Variants in CHD9 observed in about 807,000 individuals in gnomAD.
CHD9 encodes chromodomain helicase DNA binding protein 9.
Under a neutral mutation model 316.1 loss-of-function variants are expected in CHD9, and 77 were observed. That is an observed-to-expected ratio of 0.24 (90% CI 0.20 to 0.29). CHD9 has a LOEUF of 0.29. Among genes scored for constraint, CHD9 ranks in the 10% least tolerant of loss-of-function variants. The probability of loss-of-function intolerance (pLI) is 1.00; values close to 1 mark genes in which losing one functional copy is unlikely to be tolerated. For missense variants in CHD9, 2,763 were observed against 3,438.1 expected (o/e 0.80, Z 4.91); for synonymous variants, 1,129 against 1,158.3 (o/e 0.97, Z 0.51).
At chr16:53,274,478 A>G (rs190392867) in intron 24 of CHD9, among the ~76,000 whole-genome samples, 176 bp downstream of exon 24, 21 of 151,860 alleles carry the variant, frequency 1.4e-4, no homozygotes, top group Admixed American at 1.3e-3. Context: ...TTTTTTTGAG[A>G]CAGTTTCACT....
At chr16:53,174,990 T>C (rs1451985962) in intron 2 of CHD9, among the ~76,000 whole-genome samples, 1 of 152,224 alleles carries the variant, frequency 6.6e-6, no homozygotes, top group Non-Finnish European at 1.5e-5. Flanking sequence ...AATACACTTT[T>C]AAGCTTTTTT....
At chr16:53,280,818 A>T (rs543714308) in intron 24 of CHD9, among the ~76,000 whole-genome samples, 1 of 152,150 alleles carries the variant, frequency 6.6e-6, no homozygotes, top group Non-Finnish European at 1.5e-5. Context: ...ACCCATTCCA[A>T]TGGATCTTTC....
At chr16:53,168,379 A>G (rs1254984793) in intron 2 of CHD9, 1 of 152,122 alleles carries the variant, frequency 6.6e-6, no homozygotes, top group Admixed American at 6.6e-5. Flanking sequence ...ATATTTTTAA[A>G]AGTGGTTTTA....
chr16:53,065,975 C>G (rs1208506463), intron 1 of CHD9, among the ~76,000 whole-genome samples: 1 of 152,198 alleles, frequency 6.6e-6, no homozygotes, highest in East Asian at 1.9e-4. Context: ...TCAGTAATCA[C>G]AGATGTTGCG....
intron 2 of CHD9, among the ~76,000 whole-genome samples, chr16:53,205,323 G>C (rs1156556474): frequency 6.6e-6 from 1 of 152,070 alleles, no homozygotes; most frequent in African/African-American, 2.4e-5. Flanking sequence ...CAAAGACTTT[G>C]GTATATGTTT....
intron 2 of CHD9, among the ~76,000 whole-genome samples, chr16:53,183,886 T>C (rs2043753839): frequency 6.6e-6 from 1 of 152,224 alleles, no homozygotes; most frequent in Non-Finnish European, 1.5e-5. Context: ...TCATAAAATG[T>C]GGATAATATT....
chr16:53,110,980 T>C (rs565298548), intron 1 of CHD9, among the ~76,000 whole-genome samples: 3 of 152,038 alleles, frequency 2.0e-5, no homozygotes, highest in Admixed American at 6.6e-5. Flanking sequence ...TTTTGGGGAG[T>C]TGACCTTTTC....
At position 53,267,945 on chromosome 16, in the gene CHD9, G is replaced by A. The variant is rs745910896; in HGVS notation, c.4536G>A (p.Glu1512=). 37 of 1,613,370 alleles carry A rather than the reference G, an allele frequency of 2.3e-5. No individual in the cohort carries two copies. The highest frequency in any genetic ancestry group is 2.9e-5 in the Non-Finnish European group (34 of 1,179,630). The change falls in exon 22 of 39, where the codon GAG becomes GAA. Residue 1512 remains glutamate (E), a synonymous_variant. Transcript: ENST00000447540. ...LLVYGWGRWR[E]ILSHGRFKRQ... is the part of the protein sequence containing the mutation. ...TAACCAGGTGGGGCCGATGGAGAGA[G>A]ATTCTATCTCATGGCCGTTTCAAAA...
intron 1 of CHD9, among the ~76,000 whole-genome samples, chr16:53,059,278 A>C (rs1413787408): frequency 6.6e-6 from 1 of 152,160 alleles, no homozygotes; most frequent in Admixed American, 6.5e-5. Context: ...GGGTGTGGAG[A>C]AGAAAATTTC....
intron 20 of CHD9, among the ~76,000 whole-genome samples, chr16:53,265,976 GTTTT>G (rs536020046): frequency 7.2e-6 from 1 of 139,542 alleles, no homozygotes. Flanking sequence ...TTAGTTTTTT[GTTTT>G]TTTTTTTAAG....
At chr16:53,318,169 C>A in intron 36 of CHD9, 43 bp from the exon 37 acceptor site, 1 of 1,510,430 alleles carries the variant, frequency 6.6e-7, no homozygotes, top group Non-Finnish European at 9.0e-7. Flanking sequence ...TTGTTTTGCA[C>A]AGTTAAAGAC....
intron 1 of CHD9, among the ~76,000 whole-genome samples, chr16:53,074,889 C>T (rs1047587518): frequency 1.3e-5 from 2 of 152,184 alleles, no homozygotes; most frequent in African/African-American, 4.8e-5. Flanking sequence ...GGGACACTGC[C>T]TAGTGGAGCT....
At chr16:53,063,782 C>T (rs917077314) in intron 1 of CHD9, among the ~76,000 whole-genome samples, 3 of 151,228 alleles carry the variant, frequency 2.0e-5, no homozygotes, top group Non-Finnish European at 4.4e-5. Context: ...CCGCCCATCT[C>T]GGCCTCCCAA....
chr16:53,305,164 C>T (rs766792756), intron 31 of CHD9, among the ~76,000 whole-genome samples: 51 of 152,068 alleles, frequency 3.4e-4, no homozygotes, highest in Non-Finnish European at 6.6e-4. Context: ...CAGGTTCAAG[C>T]GATTCTCCTG....
At chr16:53,287,706 G>T (rs929043386) in intron 26 of CHD9, among the ~76,000 whole-genome samples, 1 of 152,146 alleles carries the variant, frequency 6.6e-6, no homozygotes, top group East Asian at 1.9e-4. Context: ...CGGCCTGGGC[G>T]ACAAGAGTGA....
intron 37 of CHD9, among the ~76,000 whole-genome samples, chr16:53,318,568 A>C (rs2057044430): frequency 6.6e-6 from 1 of 152,224 alleles, no homozygotes; most frequent in Non-Finnish European, 1.5e-5. Context: ...ATCTGTGCCT[A>C]AGCAGTGCCA....
chr16:53,220,790 C>T (rs564477907), intron 3 of CHD9, among the ~76,000 whole-genome samples: 1 of 152,294 alleles, frequency 6.6e-6, no homozygotes, highest in East Asian at 1.9e-4. Context: ...TCTGCTGCCT[C>T]CTTCTGGGGT....
intron 1 of CHD9, among the ~76,000 whole-genome samples, chr16:53,096,611 G>A (rs1292984730): frequency 1.3e-5 from 2 of 152,198 alleles, no homozygotes; most frequent in Non-Finnish European, 2.9e-5. Context: ...GCTGGCATCT[G>A]ACACCTAAGT....
chr16:53,094,983 A>C (rs1216866598), intron 1 of CHD9, among the ~76,000 whole-genome samples: 1 of 152,084 alleles, frequency 6.6e-6, no homozygotes, highest in Non-Finnish European at 1.5e-5. Context: ...GTTATTCACA[A>C]TATTTGACTC....
Sources: allele counts gnomAD v4.1 joint callset (sites outside exome capture counted in the v4.1 genomes callset), GRCh38; gene constraint gnomAD v4.1.1; transcripts MANE v1.5; gene names NCBI Gene and HGNC (gene_info 2026-07-23, HGNC 2026-07-21).